The following MYO7B variants were observed in gnomAD, a reference collection of about 807,000 sequenced individuals.
MYO7B encodes unconventional myosin-VIIb.
Under a neutral mutation model 259.7 loss-of-function variants are expected in MYO7B, and 212 were observed. The ratio of observed to expected loss-of-function variants is 0.82; its 90% CI spans 0.73 to 0.91. The LOEUF (loss-of-function observed/expected upper bound fraction) is 0.91, where lower values mean the gene tolerates loss of function less well. Among genes scored for constraint, MYO7B ranks in the 40% least tolerant of loss-of-function variants. The pLI is 0.00. For synonymous variants in MYO7B, 1,197 were observed against 1,166.4 expected (o/e 1.03, Z -0.54); for missense variants, 2,732 against 2,813.5 (o/e 0.97, Z 0.66).
Position 127,609,983 on chromosome 2 carries a change from T to C in MYO7B, c.3159T>C (p.Gly1053=). Residue 1053 remains glycine (G), a synonymous_variant, in exon 24 of 48, where the codon GGT becomes GGC. Transcript: ENST00000409816. This position sits in a 1 kb window ranked among gnomAD's most constrained non-coding sequence, Gnocchi z 6.9. ...QIHDTLGREH[G]AQVPQHSRSA... is the part of the protein sequence containing the mutation. Reference sequence around the variant, plus strand: ...ATGACACGCTGGGCAGGGAGCACGGTGCCCAGGTTCCACAGCACAGTAGAT... The same window carrying C: ...ATGACACGCTGGGCAGGGAGCACGGCGCCCAGGTTCCACAGCACAGTAGAT... 1 of 1,608,832 alleles carries C rather than the reference T, an allele frequency of 6.2e-7. No individual in the cohort carries two copies. Among genetic ancestry groups the C allele is most frequent in the South Asian group, 1.1e-5 (1 of 90,390 alleles).
chr2:127,609,522 C>A lies in MYO7B; in HGVS notation c.2831C>A (p.Thr944Asn), dbSNP rs1429397438. ...TGGCCGTAGGATCTGGAATCGAAGA[C>A]CCAGAAGCTGCTTGAGGTTGACCTG... ...SPHFEDLESK[T>N]QKLLEVDLDT... The change falls in exon 23 of 48, where the codon ACC becomes AAC. Residue 944 changes from threonine (T) to asparagine (N), a missense_variant. Thr to Asn is a moderately conservative substitution (Grantham distance 65, BLOSUM62 0). Transcript: ENST00000409816. This position sits in a 1 kb window ranked among gnomAD's most constrained non-coding sequence, Gnocchi z 6.9. The A allele has an allele frequency of 6.2e-6, 10 of 1,612,856 alleles. No homozygotes were observed. The highest frequency in any genetic ancestry group is 1.3e-5 in the African/African-American group (1 of 74,920).
At position 127,631,267 on chromosome 2, in the gene MYO7B, C is replaced by T. The variant is rs1681488614; in HGVS notation, c.4999C>T (p.Leu1667=). Reference sequence around the variant, plus strand: ...GCCCCTGGCCCGTGCCCGTGGCCACCTGTGGGCCTATTCCTGCGAGCCGCT... The same window carrying T: ...GCCCCTGGCCCGTGCCCGTGGCCACTTGTGGGCCTATTCCTGCGAGCCGCT... ...VLPLARARGH[L]WAYSCEPLRQ... is the part of the protein sequence containing the mutation. Residue 1667 remains leucine (L), a synonymous_variant, in exon 37 of 48, where the codon CTG becomes TTG. Coordinates refer to ENST00000409816, the MANE Select transcript of MYO7B (RefSeq NM_001393586.1). 2 of 1,612,002 alleles carry T rather than the reference C, an allele frequency of 1.2e-6. No individual in the cohort carries two copies.
chr2:127,579,970 C>T (rs7601295), intron 9 of MYO7B, among the ~76,000 whole-genome samples: 7,619 of 152,170 alleles, frequency 0.05, 652 homozygotes, highest in African/African-American at 0.17. Flanking sequence ...AGTTAGAAGT[C>T]GGGAGGGTGC....
chr2:127,625,842 GC>G (rs1289910606), intron 31 of MYO7B, among the ~76,000 whole-genome samples: 1 of 152,234 alleles, frequency 6.6e-6, no homozygotes, highest in Non-Finnish European at 1.5e-5. Flanking sequence ...GAGGGCACCT[GC>G]AGTGGCTGAC....
At position 127,588,538 on chromosome 2, in the gene MYO7B, G is replaced by A; in HGVS notation, c.1837G>A (p.Gly613Arg). The A allele has an allele frequency of 6.2e-7, 1 of 1,613,248 alleles. No individual in the cohort carries two copies. Residue 613 changes from glycine to arginine, a missense_variant, in exon 15 of 48, where the codon GGA becomes AGA. This residue lies in a region of MYO7B where 1,906 missense variants were observed against 2,026.4 expected (regional missense o/e 0.94). Coordinates refer to ENST00000409816, the MANE Select transcript of MYO7B (RefSeq NM_001393586.1). ...GHGTIRQAKA[G>R]NHLFKSADSN... ...TGGGACCATCCGCCAGGCAAAGGCA[G>A]GAAACCATCTCTTCAAGGTGGGCTC...
chr2:127,581,260 A>G (rs1679087440), intron 10 of MYO7B, among the ~76,000 whole-genome samples: 1 of 152,016 alleles, frequency 6.6e-6, no homozygotes, highest in Non-Finnish European at 1.5e-5. Flanking sequence ...GGCCCATCCC[A>G]TTAGCCTTCC....
chr2:127,637,295 A>G (rs748523283), intron 47 of MYO7B, 21 bp from the exon 48 acceptor site: 1 of 1,483,856 alleles, frequency 6.7e-7, no homozygotes, highest in Non-Finnish European at 8.9e-7. Flanking sequence ...ACAGCCTCTG[A>G]CCCCCCCGTC....
Position 127,630,775 on chromosome 2 carries a change from C to T in MYO7B, c.4807-3C>T, listed in dbSNP as rs747832998. 1 of 1,612,774 alleles carries T rather than the reference C, an allele frequency of 6.2e-7. No individual in the cohort carries two copies. Among genetic ancestry groups the T allele is most frequent in the South Asian group, 1.1e-5 (1 of 91,066 alleles). The stretch of plus-strand genomic sequence containing the variant: ...GGCACCCACAGGCCTGTGCCCCCTT[C>T]AGAGCTTGCTTGCCATGTCACCAGA... On this transcript the variant is annotated splice_region_variant and splice_polypyrimidine_tract_variant and intron_variant, in intron 35 of 47. Coordinates refer to ENST00000409816, the MANE Select transcript of MYO7B (RefSeq NM_001393586.1).
chr2:127,557,292 T>TC (rs1677867532), intron 1 of MYO7B, among the ~76,000 whole-genome samples: 2 of 152,242 alleles, frequency 1.3e-5, no homozygotes, highest in Admixed American at 1.3e-4. Context: ...TGAAGATTTC[T>TC]CCCCTCATTT....
intron 1 of MYO7B, among the ~76,000 whole-genome samples, chr2:127,537,557 G>C (rs1692833051): frequency 6.6e-6 from 1 of 152,178 alleles, no homozygotes; most frequent in South Asian, 2.1e-4. Flanking sequence ...AGGAGACTGG[G>C]CATGGTGGTG....
In MYO7B at chr2:127,576,956, A is replaced by G. The variant is rs971996608; in HGVS notation, c.849+248A>G. Among the ~76,000 whole-genome samples, 1 of 151,458 alleles carries G rather than the reference A, an allele frequency of 6.6e-6. No homozygotes were observed. The highest frequency in any genetic ancestry group is 2.4e-5 in the African/African-American group (1 of 41,178). ...GACCCGGGGCCTCCCCGCAGACCTC[A>G]TCTTCCTTTGGTCCCCACTGGATGA... On this transcript the variant is annotated intron_variant, in intron 8 of 47. Coordinates refer to ENST00000409816, the MANE Select transcript of MYO7B (RefSeq NM_001393586.1). The surrounding 1 kb of genome is among the most constrained non-coding windows in gnomAD (Gnocchi z 4.9).
chr2:127,609,689 T>C lies in MYO7B; in HGVS notation c.2998T>C (p.Tyr1000His). ...GCGGCCCCTCCGATACCCGTTGCTT[T>C]ACCACGAAGATGACACTGACTGCTT... Reference protein sequence around the residue: ...IRRPLRYPLLYHEDDTDCLAA... With the variant: ...IRRPLRYPLLHHEDDTDCLAA... Residue 1000 changes from tyrosine (Y) to histidine (H), a missense_variant, in exon 23 of 48, where the codon TAC (tyrosine) becomes CAC (histidine). By Grantham distance (83) the Tyr-to-His change is moderately conservative. Around this residue, in one of 3 missense-constraint regions of MYO7B, gnomAD observed 1,906 missense variants for 2,026.4 expected, o/e 0.94. Coordinates refer to ENST00000409816, the MANE Select transcript of MYO7B (RefSeq NM_001393586.1). The surrounding 1 kb of genome is among the most constrained non-coding windows in gnomAD (Gnocchi z 6.9). The C allele has an allele frequency of 6.2e-7, 1 of 1,613,938 alleles. No homozygotes were observed. Among genetic ancestry groups the C allele is most frequent in the Non-Finnish European group, 8.5e-7 (1 of 1,179,856 alleles).
At position 127,636,997 on chromosome 2, in the gene MYO7B, T is replaced by G. The variant is rs1301615479; in HGVS notation, c.6327+84T>G. On this transcript the variant is annotated intron_variant, in intron 47 of 47. Coordinates refer to ENST00000409816, the MANE Select transcript of MYO7B (RefSeq NM_001393586.1). The surrounding 1 kb of genome is among the most constrained non-coding windows in gnomAD (Gnocchi z 4.5). ...GTTCCCCACCCTCACCCCTTTCAAG[T>G]GGCTCACTAAGAGGGCTCAGTCACA... 4.5e-6 allele frequency: 7 copies of G among 1,571,534 alleles called. No individual in the cohort carries two copies. The African/African-American group carries it at 9.4e-5, about 21-fold the overall frequency.
chr2:127,576,972 C>T lies in MYO7B; in HGVS notation c.849+264C>T, dbSNP rs531859594. Among the ~76,000 whole-genome samples the T allele has an allele frequency of 6.6e-6, 1 of 152,066 alleles. No homozygotes were observed. The highest frequency in any genetic ancestry group is 6.5e-5 in the Admixed American group (1 of 15,290). The stretch of plus-strand genomic sequence containing the variant: ...GCAGACCTCATCTTCCTTTGGTCCC[C>T]ACTGGATGACAGGCTCCCGGTGCCC... On this transcript the variant is annotated intron_variant, in intron 8 of 47. Coordinates refer to ENST00000409816, the MANE Select transcript of MYO7B (RefSeq NM_001393586.1). This position sits in a 1 kb window ranked among gnomAD's most constrained non-coding sequence, Gnocchi z 4.9.
At chr2:127,583,075 C>T (rs1033038139) in intron 12 of MYO7B, among the ~76,000 whole-genome samples, 12 of 152,188 alleles carry the variant, frequency 7.9e-5, no homozygotes, top group African/African-American at 1.9e-4. Context: ...AGTCCCATGA[C>T]GACTGGTACA....
At position 127,554,656 on chromosome 2, in the gene MYO7B, G is replaced by C. The variant is rs116458853; in HGVS notation, c.-23-5044G>C. On this transcript the variant is annotated intron_variant, in intron 1 of 47. Transcript: ENST00000409816. ...TTGTGGAATAGTATCAATAGGATTG[G>C]TTTTCTTTTTTGAATGTCTGGTAGA... Among the ~76,000 whole-genome samples the C allele has an allele frequency of 9.4e-3, 1,425 of 152,206 alleles. 26 individuals are homozygous for C. The highest frequency in any genetic ancestry group is 0.033 in the African/African-American group (1,367 of 41,530).
intron 5 of MYO7B, among the ~76,000 whole-genome samples, 187 bp downstream of exon 5, chr2:127,567,014 C>A (rs1678381676): frequency 6.6e-6 from 1 of 152,226 alleles, no homozygotes; most frequent in Admixed American, 6.5e-5. Flanking sequence ...TCCTTCAGAA[C>A]CTAGGCTTTC....
Position 127,620,442 on chromosome 2 carries a change from C to A in MYO7B, c.3501C>A (p.Phe1167Leu), listed in dbSNP as rs2105073822. The change falls in exon 27 of 48, where the codon TTC (phenylalanine) becomes TTA (leucine). Residue 1167 changes from phenylalanine (F) to leucine (L), a missense_variant. Physicochemically the swap from Phe to Leu is conservative, Grantham distance 22 (BLOSUM62 0). Coordinates refer to ENST00000409816, the MANE Select transcript of MYO7B (RefSeq NM_001393586.1). ...TGCTCAGCCTCTGCCTCGGCTGCTT[C>A]CCACCCTCAGAGAGGTTCATGAAGG... ...WILLSLCLGC[F>L]PPSERFMKYL... is the part of the protein sequence containing the mutation. The A allele has an allele frequency of 1.2e-6, 2 of 1,606,136 alleles. No homozygotes were observed. Among genetic ancestry groups the A allele is most frequent in the Non-Finnish European group, 1.7e-6 (2 of 1,174,226 alleles).
At chr2:127,552,377 C>T (rs1573612275) in intron 1 of MYO7B, among the ~76,000 whole-genome samples, 1 of 151,968 alleles carries the variant, frequency 6.6e-6, no homozygotes, top group African/African-American at 2.4e-5. Flanking sequence ...ATGGAAGGAC[C>T]CAGGTGTCAT....
Sources: allele counts gnomAD v4.1 joint callset (sites outside exome capture counted in the v4.1 genomes callset), GRCh38; gene constraint gnomAD v4.1.1; regional missense constraint gnomAD v4.1.1; non-coding constraint Gnocchi (gnomAD v3.1); transcripts MANE v1.5; gene names NCBI Gene and HGNC (gene_info 2026-07-23, HGNC 2026-07-21).